The following FAM167A variants were observed in gnomAD, a reference collection of about 807,000 sequenced individuals.
FAM167A encodes the protein family with sequence similarity 167 member A, also known as protein FAM167A.
A neutral mutation model predicts 14.9 loss-of-function variants in FAM167A; 23 were observed. That is an observed-to-expected ratio of 1.55 (90% CI 1.11 to 2.19). The LOEUF (loss-of-function observed/expected upper bound fraction) is 2.19. Among genes scored for constraint, FAM167A ranks in the 30% most tolerant of loss-of-function variants. FAM167A has a pLI of 0.00. For missense variants in FAM167A, 401 were observed against 281.5 expected, an observed-to-expected ratio of 1.42 and a Z score of -3.04; for synonymous variants, 174 against 117.7, an observed-to-expected ratio of 1.48 and a Z score of -3.10.
intron 2 of FAM167A, chr8:11,434,909 A>T: frequency 2.5e-6 from 1 of 402,860 alleles, no homozygotes; most frequent in Non-Finnish European, 5.0e-6. Flanking sequence ...AGTGGGAGAG[A>T]TGTGACTGCT....
intron 2 of FAM167A, among the ~76,000 whole-genome samples, chr8:11,439,139 G>C (rs1269352343): frequency 2.6e-5 from 4 of 152,184 alleles, no homozygotes; most frequent in Non-Finnish European, 5.9e-5. Flanking sequence ...ATATGACCTT[G>C]GCCAAGTCGC....
chr8:11,422,805 C>G lies in FAM167A; in HGVS notation c.*1568G>C, dbSNP rs965196945. ...CACAGTAGACAGAGCAGCCAGATGC[C>G]GTGCGTAGACCATGGGACAGTGATT... On this transcript the variant is annotated 3_prime_UTR_variant, in exon 3 of 3. Coordinates refer to ENST00000284486, the MANE Select transcript of FAM167A (RefSeq NM_053279.3). The G allele has an allele frequency of 6.6e-6, 1 of 152,404 alleles. No homozygotes were observed. The highest frequency in any genetic ancestry group is 1.5e-5 in the Non-Finnish European group (1 of 68,030). The allele number at this position is 152,404 out of a possible 1,614,324, so 9.4% of individuals were successfully genotyped here.
At chr8:11,438,224 G>T (rs1285081278) in intron 2 of FAM167A, 1 of 436,520 alleles carries the variant, frequency 2.3e-6, no homozygotes, top group South Asian at 1.7e-5. Context: ...AGGTGCTGCT[G>T]TGGGGATCCT....
In FAM167A at chr8:11,444,735, GCACTCGAAGA is replaced by G; in HGVS notation, c.-334_-325del. 8.3e-6 allele frequency: 9 copies of G among 1,081,504 alleles called. No individual in the cohort carries two copies. Among genetic ancestry groups the G allele is most frequent in the Non-Finnish European group, 1.0e-5 (9 of 891,730 alleles). 67.0% of individuals were successfully genotyped at this position (1,081,504 alleles called of 1,614,324 possible). On this transcript the variant is annotated 5_prime_UTR_variant, in exon 2 of 3. Transcript: ENST00000284486. ...GTGCCAAGGTCTATCTGTCCTGAACGCACTCGAAGACCAGACTGGCAGGAAGAAGGCCCAG... is the reference window on the plus strand; with the variant it reads ...GTGCCAAGGTCTATCTGTCCTGAACGCCAGACTGGCAGGAAGAAGGCCCAG...
At chr8:11,469,957 C>A (rs1476338776), upstream of FAM167A, among the ~76,000 whole-genome samples, 4 of 152,002 alleles carry the variant, frequency 2.6e-5, no homozygotes, top group Non-Finnish European at 4.4e-5. Flanking sequence ...TTCAGAATTT[C>A]TCCCAATTCG....
At chr8:11,456,410 G>T in intron 1 of FAM167A, among the ~76,000 whole-genome samples, 1 of 131,954 alleles carries the variant, frequency 7.6e-6, no homozygotes, top group South Asian at 2.5e-4. Flanking sequence ...TGTGGGGGGT[G>T]GTTGCCTTGC....
At chr8:11,465,050 C>T (rs1471733847) in intron 1 of FAM167A, among the ~76,000 whole-genome samples, 1 of 152,092 alleles carries the variant, frequency 6.6e-6, no homozygotes, top group Admixed American at 6.5e-5. Flanking sequence ...AGGAGGAGAA[C>T]AGGGTGTGGG....
chr8:11,428,437 C>T (rs1033418745), intron 2 of FAM167A, among the ~76,000 whole-genome samples: 4 of 152,210 alleles, frequency 2.6e-5, no homozygotes, highest in South Asian at 2.1e-4. Flanking sequence ...CCATGCTGTG[C>T]ACATGCATTC....
chr8:11,423,610 C>G lies in FAM167A; in HGVS notation c.*763G>C, dbSNP rs1804918795. 6.6e-6 allele frequency: 1 copy of G among 152,282 alleles called. No homozygotes were observed. Among genetic ancestry groups the G allele is most frequent in the South Asian group, 2.1e-4 (1 of 4,830 alleles). 9.4% of individuals were successfully genotyped at this position (152,282 alleles called of 1,614,324 possible). A position where few individuals can be genotyped will look rare whatever the true frequency, so the allele number is the denominator to read the frequency against. On this transcript the variant is annotated 3_prime_UTR_variant, in exon 3 of 3. Transcript: ENST00000284486. ...AGTCACCAGTGGTCTCCCAGGCTGT[C>G]ACCCTGGGGTGTGGGTGGCAGTGAA...
chr8:11,467,170 G>T (rs1433781773), upstream of FAM167A, among the ~76,000 whole-genome samples: 2 of 152,230 alleles, frequency 1.3e-5, no homozygotes, highest in Non-Finnish European at 2.9e-5. Flanking sequence ...CTGCCCGCGA[G>T]CGCCTACCGT....
At chr8:11,429,809 A>C (rs1230205337) in intron 2 of FAM167A, among the ~76,000 whole-genome samples, 1 of 152,206 alleles carries the variant, frequency 6.6e-6, no homozygotes, top group Non-Finnish European at 1.5e-5. Flanking sequence ...GTGGCAAGTC[A>C]CTGCCACCTG....
In FAM167A at chr8:11,422,034, G is replaced by C. The variant is rs1804764396; in HGVS notation, c.*2339C>G. 1 of 390,336 alleles carries C rather than the reference G, an allele frequency of 2.6e-6. No individual in the cohort carries two copies. Among genetic ancestry groups the C allele is most frequent in the Non-Finnish European group, 4.5e-6 (1 of 221,478 alleles). The allele number at this position is 390,336 out of a possible 1,614,324, so 24.2% of individuals were successfully genotyped here. ...GGTCACCTCCTCATCCCATAATAAA[G>C]TTCTCTTAGGATAAACCGAGCAAAA... On this transcript the variant is annotated 3_prime_UTR_variant, in exon 3 of 3. Coordinates refer to ENST00000284486, the MANE Select transcript of FAM167A (RefSeq NM_053279.3).
At chr8:11,474,219 G>C (rs934101130) in intron 1 of FAM167A, among the ~76,000 whole-genome samples, 1 of 152,160 alleles carries the variant, frequency 6.6e-6, no homozygotes, top group African/African-American at 2.4e-5. Context: ...CTTGGTTTGC[G>C]CACCACCTGG....
chr8:11,424,635 G>A lies in FAM167A; in HGVS notation c.383C>T (p.Thr128Met), dbSNP rs143521673. The change falls in exon 3 of 3, where the codon ACG (threonine) becomes ATG (methionine). Residue 128 changes from threonine to methionine, a missense_variant and splice_region_variant. By Grantham distance (81) the Thr-to-Met change is moderately conservative. Transcript: ENST00000284486. ...TTGCTGGTCCTGCAGCCGCATCTCCGTCTGGAAGGGAGGGGGAGCAGGCAG... is the reference window on the plus strand; with the variant it reads ...TTGCTGGTCCTGCAGCCGCATCTCCATCTGGAAGGGAGGGGGAGCAGGCAG... ...EAIAWLRKEL[T>M]EMRLQDQQLA... is the part of the protein sequence containing the mutation. 5.0e-4 allele frequency: 808 copies of A among 1,613,320 alleles called. 5 individuals are homozygous for A. The African/African-American group carries it at 6.8e-3, about 14-fold the overall frequency.
intron 2 of FAM167A, among the ~76,000 whole-genome samples, chr8:11,428,919 GAAT>G (rs1416543203): frequency 6.6e-6 from 1 of 152,202 alleles, no homozygotes; most frequent in Non-Finnish European, 1.5e-5. Context: ...AAATGTGCAA[GAAT>G]AAGAGGCTTA....
chr8:11,427,489 T>A (rs983149825), intron 2 of FAM167A, among the ~76,000 whole-genome samples: 8 of 152,232 alleles, frequency 5.3e-5, no homozygotes, highest in Admixed American at 2.0e-4. Context: ...GCTGTGCCAT[T>A]TACCTGGTGC....
At position 11,444,644 on chromosome 8, in the gene FAM167A, G is replaced by A. The variant is rs747818378; in HGVS notation, c.-233C>T. ...CTCGGGTCTATGATCCGTCCTGGAA[G>A]CCTGTGGGTGCCATGCTCCACAGAA... is the stretch of plus-strand genomic sequence containing the variant. On this transcript the variant is annotated 5_prime_UTR_variant, in exon 2 of 3. Coordinates refer to ENST00000284486, the MANE Select transcript of FAM167A (RefSeq NM_053279.3). 8.4e-6 allele frequency: 11 copies of A among 1,316,548 alleles called. No homozygotes were observed. In the African/African-American group the frequency reaches 1.2e-4, roughly 14 times the overall value. The allele number at this position is 1,316,548 out of a possible 1,614,324, so 81.6% of individuals were successfully genotyped here.
intron 2 of FAM167A, among the ~76,000 whole-genome samples, chr8:11,434,363 C>A (rs73663137): frequency 0.014 from 2,142 of 152,250 alleles, 47 homozygotes; most frequent in African/African-American, 0.048. Context: ...GGGAGGGGGG[C>A]AGGTGCAATG....
rs757052248 is a variant in FAM167A at position 11,444,302 on chromosome 8, A to C, written c.110T>G (p.Leu37Arg). The C allele has an allele frequency of 6.2e-7, 1 of 1,610,062 alleles. No homozygotes were observed. The highest frequency in any genetic ancestry group is 1.3e-5 in the African/African-American group (1 of 74,286). The change falls in exon 2 of 3, where the codon CTG (leucine) becomes CGG (arginine). Residue 37 changes from leucine to arginine, a missense_variant. Leu to Arg is a moderately radical substitution (Grantham distance 102). Transcript: ENST00000284486. ...GGAGGGCCTGCGGGTCTCCAGCCTC[A>C]GTTTCTCGGTGAGGGCCTTCAGGCT... is the stretch of plus-strand genomic sequence containing the variant. ...LRSLKALTEK[L>R]RLETRRPSYL...
Sources: allele counts gnomAD v4.1 joint callset (sites outside exome capture counted in the v4.1 genomes callset), GRCh38; gene constraint gnomAD v4.1.1; transcripts MANE v1.5; gene names NCBI Gene and HGNC (gene_info 2026-07-23, HGNC 2026-07-21).